SYN3: variants seen among roughly 807,000 people sequenced by gnomAD.
SYN3 encodes synapsin III.
Under a neutral mutation model 65.8 loss-of-function variants are expected in SYN3, and 35 were observed. That is an observed-to-expected ratio of 0.53 (90% confidence interval 0.41 to 0.70). The LOEUF is 0.70. Ranked by LOEUF, SYN3 falls within the 30% of genes least tolerant of loss-of-function variation. The pLI, the probability that SYN3 is intolerant of heterozygous loss-of-function variation, is 0.00. For synonymous variants in SYN3, 270 were observed against 292.9 expected (o/e 0.92, Z 0.80); for missense variants, 680 against 749.0 (o/e 0.91, Z 1.08).
intron 2 of SYN3, among the ~76,000 whole-genome samples, chr22:32,991,051 G>T (rs568776304): frequency 1.3e-4 from 20 of 151,998 alleles, no homozygotes; most frequent in African/African-American, 4.8e-4. Flanking sequence ...TTATCTGGAC[G>T]TGGTGCCTGT....
chr22:32,650,240 TCCCTCCCTCCCTCCCTCC>T (rs1569124664), intron 6 of SYN3, among the ~76,000 whole-genome samples: 56 of 72,896 alleles, frequency 7.7e-4, no homozygotes, highest in African/African-American at 2.4e-3. Flanking sequence ...TCTCCCTCCC[TCCCTCCCTCCCTCCCTCC>T]CTCTCTCTCT....
At chr22:32,957,694 C>T (rs2051509107) in intron 3 of SYN3, among the ~76,000 whole-genome samples, 1 of 152,194 alleles carries the variant, frequency 6.6e-6, no homozygotes, top group African/African-American at 2.4e-5. Flanking sequence ...TTGGTATGAA[C>T]TGGTCACCCT....
intron 1 of SYN3, among the ~76,000 whole-genome samples, chr22:33,021,417 C>A (rs1047231811): frequency 6.6e-6 from 1 of 152,182 alleles, no homozygotes; most frequent in African/African-American, 2.4e-5. Flanking sequence ...CCATCACCCC[C>A]CATACAATTG....
At chr22:32,569,535 C>T (rs2058724758) in intron 7 of SYN3, among the ~76,000 whole-genome samples, 1 of 85,316 alleles carries the variant, frequency 1.2e-5, no homozygotes, top group Admixed American at 1.3e-4. Flanking sequence ...TAAAATCAAT[C>T]AATCTCTCTC....
At chr22:33,032,614 G>C (rs1275669283) in intron 1 of SYN3, among the ~76,000 whole-genome samples, 1 of 151,936 alleles carries the variant, frequency 6.6e-6, no homozygotes. Flanking sequence ...CAAACATTAA[G>C]TCATGCCCTA....
intron 6 of SYN3, among the ~76,000 whole-genome samples, chr22:32,817,917 C>T (rs1285829684): frequency 6.6e-6 from 1 of 152,192 alleles, no homozygotes; most frequent in African/African-American, 2.4e-5. Context: ...CCTCTCTGTT[C>T]TATACTTCTC....
chr22:32,598,180 A>T (rs1490932199), intron 6 of SYN3, among the ~76,000 whole-genome samples: 2 of 152,156 alleles, frequency 1.3e-5, no homozygotes, highest in Non-Finnish European at 2.9e-5. Context: ...GCACCGAAGG[A>T]ACGCAGCCTT....
chr22:32,826,615 GA>G (rs965851808), intron 6 of SYN3, among the ~76,000 whole-genome samples: 1 of 152,006 alleles, frequency 6.6e-6, no homozygotes, highest in African/African-American at 2.4e-5. Flanking sequence ...AAGAAAGAAA[GA>G]AAAAAACTAG....
chr22:32,921,786 T>C (rs2050340325), intron 4 of SYN3, among the ~76,000 whole-genome samples: 1 of 152,212 alleles, frequency 6.6e-6, no homozygotes, highest in Non-Finnish European at 1.5e-5. Context: ...TACTAACTCA[T>C]GTAATCCTCA....
intron 3 of SYN3, among the ~76,000 whole-genome samples, chr22:32,944,708 A>G (rs1205808271): frequency 2.6e-5 from 4 of 152,226 alleles, no homozygotes; most frequent in Admixed American, 6.5e-5. Flanking sequence ...ATCAGGCAGG[A>G]GAAAGAAATA....
chr22:32,773,878 G>C (rs767081645), intron 6 of SYN3, among the ~76,000 whole-genome samples: 7 of 152,156 alleles, frequency 4.6e-5, no homozygotes, highest in Non-Finnish European at 1.0e-4. Flanking sequence ...GGGCTGCAGG[G>C]AGAACTGATA....
At chr22:32,681,536 G>T (rs1280894936) in intron 6 of SYN3, among the ~76,000 whole-genome samples, 1 of 152,226 alleles carries the variant, frequency 6.6e-6, no homozygotes, top group African/African-American at 2.4e-5. Flanking sequence ...ACTCAGAGAG[G>T]CTGAGGTTCC....
At chr22:32,514,175 T>G (rs1358170189) in intron 13 of SYN3, among the ~76,000 whole-genome samples, 1 of 152,202 alleles carries the variant, frequency 6.6e-6, no homozygotes, top group Non-Finnish European at 1.5e-5. Flanking sequence ...GCTGCTCTCC[T>G]GCCTATGGGT....
At chr22:32,576,917 C>T (rs1469649564) in intron 7 of SYN3, among the ~76,000 whole-genome samples, 1 of 151,846 alleles carries the variant, frequency 6.6e-6, no homozygotes, top group African/African-American at 2.4e-5. Context: ...TCTCTCTCAC[C>T]AAGAAGATAA....
At chr22:32,840,294 G>A (rs1222816805) in intron 6 of SYN3, among the ~76,000 whole-genome samples, 1 of 152,164 alleles carries the variant, frequency 6.6e-6, no homozygotes, top group Non-Finnish European at 1.5e-5. Context: ...GAGTTAGTCA[G>A]GACAGGCTTT....
intron 6 of SYN3, among the ~76,000 whole-genome samples, chr22:32,774,292 G>A (rs1473634549): frequency 2.0e-5 from 3 of 152,140 alleles, no homozygotes; most frequent in African/African-American, 7.2e-5. Context: ...AGTGGATTAG[G>A]GCGGGCTTTA....
chr22:32,949,253 A>T (rs930105347), intron 3 of SYN3, among the ~76,000 whole-genome samples: 7 of 151,966 alleles, frequency 4.6e-5, no homozygotes, highest in African/African-American at 1.7e-4. Flanking sequence ...ATATCTTTTT[A>T]AAAAATTAGC....
rs547952380 is a variant in SYN3 at position 32,580,157 on chromosome 22, G to C, written c.774+16517C>G. Among the ~76,000 whole-genome samples the C allele has an allele frequency of 3.3e-5, 5 of 152,346 alleles. No individual in the cohort carries two copies. In the South Asian group the frequency reaches 1.0e-3, roughly 32 times the overall value. On this transcript the variant is annotated intron_variant, in intron 7 of 13. Transcript: ENST00000358763. ...CCTGGTTGGGGAGGGAGATGGCCAGGCTCAGAGTTGAAGATGACCTAGATC... is the reference window on the plus strand; with the variant it reads ...CCTGGTTGGGGAGGGAGATGGCCAGCCTCAGAGTTGAAGATGACCTAGATC...
At chr22:32,977,003 G>C (rs527253578) in intron 3 of SYN3, among the ~76,000 whole-genome samples, 3 of 151,530 alleles carry the variant, frequency 2.0e-5, no homozygotes, top group Admixed American at 6.6e-5. Context: ...CTGGGGGGGG[G>C]GTTGCTTGTG....
Sources: gnomAD v4.1 joint callset for allele counts (sites outside exome capture counted in the v4.1 genomes callset) on GRCh38, gnomAD v4.1.1 for gene constraint, MANE v1.5 for transcripts, NCBI Gene and HGNC (gene_info 2026-07-23, HGNC 2026-07-21) for gene names.